The following CSMD1 variants were observed in gnomAD, a reference collection of about 807,000 sequenced individuals.
CSMD1 encodes the protein CUB and Sushi multiple domains 1, also known as CUB and sushi domain-containing protein 1.
A neutral mutation model predicts 417.5 loss-of-function variants in CSMD1; 213 were observed. The observed-to-expected ratio is 0.51, with a 90% CI of 0.46 to 0.57. CSMD1 has a LOEUF of 0.57. CSMD1 is among the 20% of genes least tolerant of loss of function. CSMD1 has a pLI of 0.00. For missense variants in CSMD1, 6,923 were observed against 4,529.7 expected (o/e 1.53, Z -15.17); for synonymous variants, 2,862 against 1,736.8 (o/e 1.65, Z -16.11).
At chr8:3,162,083 G>A (rs1819930955) in intron 38 of CSMD1, 76 bp downstream of exon 38, 2 of 903,652 alleles carry the variant, frequency 2.2e-6, no homozygotes, top group African/African-American at 1.6e-5. Context: ...GGTACAAAGT[G>A]AGGGCTTTGG....
rs1801382842 is a variant in CSMD1 at position 4,486,166 on chromosome 8, TATATATATACATAC to T, written c.303-66115_303-66102del. On this transcript the variant is annotated intron_variant, in intron 2 of 69. Transcript: ENST00000635120. ...ACATATATATATATATACATACATA[TATATATATACATAC>T]ATATATATATATATATATACATACA... Among the ~76,000 whole-genome samples, 67 of 19,194 alleles carry T rather than the reference TATATATATACATAC, an allele frequency of 3.5e-3. 1 individual carries two copies. The highest frequency in any genetic ancestry group is 0.012 in the African/African-American group (57 of 4,870). 12.6% of individuals were successfully genotyped at this position (19,194 alleles called of 152,430 possible).
chr8:4,958,783 A>C (rs995191558), intron 1 of CSMD1, among the ~76,000 whole-genome samples: 8 of 152,186 alleles, frequency 5.3e-5, no homozygotes, highest in African/African-American at 1.9e-4. Flanking sequence ...GAAGTGAAAA[A>C]AGCGGGGCTT....
chr8:4,813,015 A>G (rs1220210167), intron 1 of CSMD1, among the ~76,000 whole-genome samples: 2 of 152,174 alleles, frequency 1.3e-5, no homozygotes, highest in African/African-American at 4.8e-5. Context: ...TCACACCAAC[A>G]CTGGAATCCA....
intron 5 of CSMD1, among the ~76,000 whole-genome samples, chr8:3,835,246 C>A (rs1374072030): frequency 6.6e-6 from 1 of 151,734 alleles, no homozygotes; most frequent in East Asian, 1.9e-4. Flanking sequence ...ATAAATCATG[C>A]TGCTATAAAG....
At chr8:4,993,569 G>C (rs1184819114) in intron 1 of CSMD1, among the ~76,000 whole-genome samples, 1 of 152,142 alleles carries the variant, frequency 6.6e-6, no homozygotes, top group African/African-American at 2.4e-5. Context: ...AAGCCCAGGA[G>C]CCACCCAGAG....
intron 5 of CSMD1, among the ~76,000 whole-genome samples, chr8:3,759,526 A>C (rs901464617): frequency 6.6e-6 from 1 of 152,090 alleles, no homozygotes; most frequent in Non-Finnish European, 1.5e-5. Context: ...TAGTTTGGAA[A>C]ATGAAAGAGA....
At chr8:3,083,217 C>G (rs1814240352) in intron 49 of CSMD1, among the ~76,000 whole-genome samples, 1 of 151,898 alleles carries the variant, frequency 6.6e-6, no homozygotes, top group Non-Finnish European at 1.5e-5. Context: ...TTTAAAAAGA[C>G]AGAACATGTC....
intron 5 of CSMD1, among the ~76,000 whole-genome samples, chr8:3,982,177 A>ATAATAATAATAT (rs1220873573): frequency 1.7e-3 from 227 of 131,308 alleles, no homozygotes; most frequent in Admixed American, 4.7e-3. Flanking sequence ...AATAATAATA[A>ATAATAATAATAT]TAATAATAAT....
At chr8:3,201,554 A>C in intron 32 of CSMD1, 58 bp downstream of exon 32, 3 of 885,926 alleles carry the variant, frequency 3.4e-6, no homozygotes, top group Non-Finnish European at 3.4e-6. Context: ...AGACAAGTTA[A>C]AAATTAATCC....
intron 5 of CSMD1, among the ~76,000 whole-genome samples, chr8:3,979,155 T>A (rs1813662324): frequency 6.6e-6 from 1 of 152,194 alleles, no homozygotes; most frequent in Non-Finnish European, 1.5e-5. Context: ...CTGATCACAT[T>A]TTACAACACC....
intron 1 of CSMD1, among the ~76,000 whole-genome samples, chr8:4,649,608 T>C (rs1803755412): frequency 6.6e-6 from 1 of 152,204 alleles, no homozygotes; most frequent in Non-Finnish European, 1.5e-5. Context: ...CAAATTCCAC[T>C]ACAAAAGCAA....
chr8:4,845,617 C>A (rs1191634604), intron 1 of CSMD1, among the ~76,000 whole-genome samples: 1 of 152,288 alleles, frequency 6.6e-6, no homozygotes, highest in Non-Finnish European at 1.5e-5. Context: ...GCCAGGCTCT[C>A]TTTTAGGAGC....
intron 3 of CSMD1, among the ~76,000 whole-genome samples, chr8:4,320,657 C>T (rs1799220363): frequency 6.6e-6 from 1 of 152,100 alleles, no homozygotes; most frequent in Non-Finnish European, 1.5e-5. Flanking sequence ...TGGTTTACAG[C>T]TTCATCGATG....
At chr8:3,863,395 CA>C (rs35446566) in intron 5 of CSMD1, among the ~76,000 whole-genome samples, 7,148 of 90,236 alleles carry the variant, frequency 0.079, 416 homozygotes, top group African/African-American at 0.21. Context: ...ATACTCTGCT[CA>C]AAAAAAAAAA....
intron 10 of CSMD1, among the ~76,000 whole-genome samples, chr8:3,574,258 T>G (rs28418956): frequency 6.6e-6 from 1 of 152,032 alleles, no homozygotes; most frequent in Non-Finnish European, 1.5e-5. Flanking sequence ...TATCTTTTCT[T>G]GATATGGAGT....
At chr8:3,960,507 G>A (rs988377993) in intron 5 of CSMD1, among the ~76,000 whole-genome samples, 20 of 152,094 alleles carry the variant, frequency 1.3e-4, no homozygotes, top group Non-Finnish European at 2.4e-4. Flanking sequence ...TAAATATTGA[G>A]AAAATTTAAA....
chr8:3,110,471 A>G, intron 42 of CSMD1, 136 bp from the exon 43 acceptor site: 1 of 676,276 alleles, frequency 1.5e-6, no homozygotes, highest in Non-Finnish European at 2.3e-6. Flanking sequence ...CTGAATCACC[A>G]TTTTGTCAAA....
At chr8:3,556,819 C>T (rs1799176937) in intron 10 of CSMD1, among the ~76,000 whole-genome samples, 1 of 152,110 alleles carries the variant, frequency 6.6e-6, no homozygotes, top group Admixed American at 6.5e-5. Context: ...GGTGGATGCC[C>T]CTCTCCCTTC....
rs139884394 is a variant in CSMD1, at chr8:4,720,757, C to G, written c.86-83199G>C. 5.7e-4 allele frequency among the ~76,000 whole-genome samples: 86 copies of G among 152,204 alleles called. 1 individual carries two copies. The East Asian group carries it at 0.015, about 26-fold the overall frequency. ...CTTATTTGGAATATTTATAAAGTTT[C>G]TGAAAAATCATCTTGGTCCATACTT... On this transcript the variant is annotated intron_variant, in intron 1 of 69. Transcript: ENST00000635120.
Sources: gnomAD v4.1 joint callset for allele counts (sites outside exome capture counted in the v4.1 genomes callset) on GRCh38, gnomAD v4.1.1 for gene constraint, MANE v1.5 for transcripts, NCBI Gene and HGNC (gene_info 2026-07-23, HGNC 2026-07-21) for gene names.